The following TBC1D19 variants were observed in gnomAD, a reference collection of about 807,000 sequenced individuals.
TBC1D19 encodes TBC1 domain family member 19, also known as TBC1 domain family, member 19.
In TBC1D19, 60 loss-of-function variants were observed where a neutral mutation model predicts 89.0. That is an observed-to-expected ratio of 0.67 (90% CI 0.55 to 0.84). TBC1D19 has a LOEUF of 0.84. Ranked by LOEUF, TBC1D19 falls within the 40% of genes least tolerant of loss-of-function variation. The probability of loss-of-function intolerance (pLI) is 0.00; values close to 1 mark genes in which losing one functional copy is unlikely to be tolerated. For missense variants in TBC1D19, 500 were observed against 610.8 expected (o/e 0.82, Z 1.91); for synonymous variants, 189 against 199.7 (o/e 0.95, Z 0.45).
intron 17 of TBC1D19, among the ~76,000 whole-genome samples, chr4:26,741,362 CAAA>C (rs34342483): frequency 0.017 from 1,227 of 73,586 alleles, 8 homozygotes; most frequent in African/African-American, 0.054. Flanking sequence ...GACTCTGTCT[CAAA>C]AAAAAAAAAA....
rs973365642 is a variant in TBC1D19 at position 26,638,973 on chromosome 4, C to A, written c.433+139C>A. ...CATTAATTTTCTATCATCTGGAAAA[C>A]CAGAATTAGACTGACCTACTCAAAC... On this transcript the variant is annotated intron_variant, in intron 6 of 20. Coordinates refer to ENST00000264866, the MANE Select transcript of TBC1D19 (RefSeq NM_018317.4). The A allele has an allele frequency of 6.9e-5, 49 of 713,632 alleles. No homozygotes were observed. The Admixed American group carries it at 1.3e-3, about 18-fold the overall frequency. The allele number at this position is 713,632 out of a possible 1,614,324, so 44.2% of individuals were successfully genotyped here.
At chr4:26,587,056 A>G (rs7675684) in intron 1 of TBC1D19, among the ~76,000 whole-genome samples, 1,930 of 152,254 alleles carry the variant, frequency 0.013, 33 homozygotes, top group African/African-American at 0.043. Flanking sequence ...TTTATCATGA[A>G]TGGATGTTGA....
chr4:26,660,960 T>A (rs1028116877), intron 8 of TBC1D19, among the ~76,000 whole-genome samples: 8 of 152,222 alleles, frequency 5.3e-5, no homozygotes, highest in African/African-American at 1.7e-4. Flanking sequence ...AGACACTGAC[T>A]GATGCAAGAA....
chr4:26,837,607 C>T, the TBC1D19 span, among the ~76,000 whole-genome samples: 1 of 152,230 alleles, frequency 6.6e-6, no homozygotes, highest in African/African-American at 2.4e-5. Context: ...AATCTCTTAG[C>T]TCTTTTCACT....
the TBC1D19 span, among the ~76,000 whole-genome samples, chr4:26,843,426 T>C: frequency 6.6e-6 from 1 of 152,028 alleles, no homozygotes; most frequent in Non-Finnish European, 1.5e-5. Flanking sequence ...GGATTCAACA[T>C]CTCAAATAGA....
At chr4:26,709,326 TC>T (rs916966151) in intron 13 of TBC1D19, among the ~76,000 whole-genome samples, 16 of 152,022 alleles carry the variant, frequency 1.1e-4, no homozygotes, top group African/African-American at 3.9e-4. Context: ...AACATCTGGC[TC>T]CCAAAGGGAA....
chr4:26,631,388 A>C (rs1742799816), intron 4 of TBC1D19, among the ~76,000 whole-genome samples: 1 of 152,120 alleles, frequency 6.6e-6, no homozygotes, highest in East Asian at 1.9e-4. Flanking sequence ...CCACCAAAAA[A>C]GTGATGTGTT....
the TBC1D19 span, among the ~76,000 whole-genome samples, chr4:26,852,416 G>A: frequency 6.6e-6 from 1 of 152,118 alleles, no homozygotes; most frequent in African/African-American, 2.4e-5. Flanking sequence ...AATTAGCTGG[G>A]TGTGGTAGTA....
intron 9 of TBC1D19, among the ~76,000 whole-genome samples, chr4:26,668,986 TACACACACACACACACAC>T (rs3839171): frequency 2.7e-5 from 4 of 146,908 alleles, no homozygotes; most frequent in Non-Finnish European, 6.0e-5. Context: ...TTTAAATACA[TACACACACACACACACAC>T]ACACACACAC....
At chr4:26,582,807 T>G (rs1002884781), upstream of TBC1D19, among the ~76,000 whole-genome samples, 6 of 152,212 alleles carry the variant, frequency 3.9e-5, no homozygotes, top group Non-Finnish European at 8.8e-5. Context: ...ATTTAGAATT[T>G]GTACTTATCA....
chr4:26,613,549 A>G lies in TBC1D19; in HGVS notation c.172+308A>G, dbSNP rs76378590. ...ATAATATTTTATCCCCAGCCTTCCAATTACTCATTCAAAATTGTGAAAACT... is the reference window on the plus strand; with the variant it reads ...ATAATATTTTATCCCCAGCCTTCCAGTTACTCATTCAAAATTGTGAAAACT... On this transcript the variant is annotated intron_variant, in intron 2 of 20. Coordinates refer to ENST00000264866, the MANE Select transcript of TBC1D19 (RefSeq NM_018317.4). Among the ~76,000 whole-genome samples the G allele has an allele frequency of 6.5e-3, 984 of 152,282 alleles. 8 individuals carry two copies. Among genetic ancestry groups the G allele is most frequent in the African/African-American group, 0.022 (926 of 41,572 alleles).
At chr4:26,615,350 G>A (rs1245902826) in intron 3 of TBC1D19, among the ~76,000 whole-genome samples, 17 of 152,018 alleles carry the variant, frequency 1.1e-4, no homozygotes, top group Admixed American at 1.1e-3. Flanking sequence ...CTACCATGTG[G>A]CAGCACCGTA....
intron 1 of TBC1D19, among the ~76,000 whole-genome samples, chr4:26,588,024 C>CT (rs573029265): frequency 0.065 from 7,717 of 119,244 alleles, 853 homozygotes; most frequent in African/African-American, 0.21. Flanking sequence ...CATATGTGTT[C>CT]TTTTTTTTTT....
intron 1 of TBC1D19, among the ~76,000 whole-genome samples, chr4:26,592,494 C>CA (rs1304608749): frequency 6.6e-6 from 1 of 151,910 alleles, no homozygotes. Flanking sequence ...CCAGGGCAAT[C>CA]AGGCAGGTTA....
the TBC1D19 span, among the ~76,000 whole-genome samples, chr4:26,836,736 G>A: frequency 6.6e-6 from 1 of 152,228 alleles, no homozygotes; most frequent in African/African-American, 2.4e-5. Flanking sequence ...AGCCCAGGCA[G>A]AGGCAGCAGC....
chr4:26,616,108 G>T (rs1741681114), intron 3 of TBC1D19, among the ~76,000 whole-genome samples: 1 of 151,870 alleles, frequency 6.6e-6, no homozygotes, highest in Non-Finnish European at 1.5e-5. Context: ...TTTGGGTTCT[G>T]AACAAATTAA....
chr4:26,628,781 A>T (rs1355325536), intron 4 of TBC1D19, among the ~76,000 whole-genome samples: 2 of 151,926 alleles, frequency 1.3e-5, no homozygotes, highest in Non-Finnish European at 2.9e-5. Context: ...AGAATAAAAT[A>T]CCTAGGAATC....
chr4:26,762,917 C>T, the TBC1D19 span, among the ~76,000 whole-genome samples: 2 of 151,990 alleles, frequency 1.3e-5, no homozygotes, highest in Non-Finnish European at 2.9e-5. Flanking sequence ...GCATCCCTAC[C>T]GACACCTTGA....
At position 26,663,435 on chromosome 4, in the gene TBC1D19, G is replaced by A. The variant is rs559261954; in HGVS notation, c.592-2898G>A. Among the ~76,000 whole-genome samples the A allele has an allele frequency of 6.8e-4, 104 of 152,236 alleles. No homozygotes were observed. In the South Asian group the frequency reaches 0.011, roughly 16 times the overall value. ...ATATCTGAAACTGCTGCATGTAGAGGCAATTTCATATGAATATTAGGTGAT... is the reference window on the plus strand; with the variant it reads ...ATATCTGAAACTGCTGCATGTAGAGACAATTTCATATGAATATTAGGTGAT... On this transcript the variant is annotated intron_variant, in intron 8 of 20. Transcript: ENST00000264866.
Sources: allele counts gnomAD v4.1 joint callset (sites outside exome capture counted in the v4.1 genomes callset), GRCh38; gene constraint gnomAD v4.1.1; transcripts MANE v1.5; gene names NCBI Gene and HGNC (gene_info 2026-07-23, HGNC 2026-07-21).